ALG6: variants seen among roughly 807,000 people sequenced by gnomAD.
ALG6 encodes the protein dolichyl pyrophosphate Man9GlcNAc2 alpha-1,3-glucosyltransferase.
In ALG6, 46 loss-of-function variants were observed where a neutral mutation model predicts 66.6. The ratio of observed to expected loss-of-function variants is 0.69; its 90% confidence interval spans 0.55 to 0.88. ALG6 has a LOEUF of 0.88. Ranked by LOEUF, ALG6 falls within the 40% of genes least tolerant of loss-of-function variation. The pLI, the probability that ALG6 is intolerant of heterozygous loss-of-function variation, is 0.00. For synonymous variants in ALG6, 185 were observed against 203.7 expected, an observed-to-expected ratio of 0.91 and a Z score of 0.78; for missense variants, 505 against 586.8, an observed-to-expected ratio of 0.86 and a Z score of 1.44.
At chr1:63,375,475 G>A (rs891671379) in intron 2 of ALG6, among the ~76,000 whole-genome samples, 3 of 141,800 alleles carry the variant, frequency 2.1e-5, no homozygotes, top group African/African-American at 8.0e-5. Context: ...TGCCAGCCTG[G>A]TCTCAAACTC....
chr1:63,381,519 C>T (rs1342789208), intron 2 of ALG6, among the ~76,000 whole-genome samples: 5 of 152,108 alleles, frequency 3.3e-5, no homozygotes, highest in African/African-American at 1.2e-4. Context: ...TGGCGCATGC[C>T]TGTAGTCCCA....
chr1:63,394,590 G>A lies in ALG6; in HGVS notation c.83-1923G>A, dbSNP rs2064439. Among the ~76,000 whole-genome samples, 427 of 152,074 alleles carry A rather than the reference G, an allele frequency of 2.8e-3. 4 individuals carry two copies. Among genetic ancestry groups the A allele is most frequent in the African/African-American group, 9.4e-3 (390 of 41,500 alleles). On this transcript the variant is annotated intron_variant, in intron 2 of 14. Transcript: ENST00000263440. Reference sequence around the variant, plus strand: ...TTCACCATGTTGGCCAGATGGTCTCGATCTCTTGACCTCGTGATCCACCCA... The same window carrying A: ...TTCACCATGTTGGCCAGATGGTCTCAATCTCTTGACCTCGTGATCCACCCA...
chr1:63,422,313 CTATA>C (rs1380357638), intron 12 of ALG6, among the ~76,000 whole-genome samples: 3 of 39,056 alleles, frequency 7.7e-5, no homozygotes, highest in South Asian at 1.4e-3. Context: ...AAATATATAT[CTATA>C]TATGAATATA....
chr1:63,417,458 ATTTT>A (rs1459865564), intron 11 of ALG6, among the ~76,000 whole-genome samples: 1 of 152,054 alleles, frequency 6.6e-6, no homozygotes, highest in South Asian at 2.1e-4. Flanking sequence ...GATTTTTGTT[ATTTT>A]GTTTTTGTTA....
At chr1:63,394,810 G>A (rs1196313201) in intron 2 of ALG6, among the ~76,000 whole-genome samples, 1 of 151,998 alleles carries the variant, frequency 6.6e-6, no homozygotes, top group African/African-American at 2.4e-5. Context: ...TTACGTGAAT[G>A]GCCATTGCCT....
chr1:63,424,809 C>T (rs868288294), intron 12 of ALG6, among the ~76,000 whole-genome samples: 7 of 136,386 alleles, frequency 5.1e-5, no homozygotes, highest in East Asian at 4.4e-4. Context: ...GACAGAGCCT[C>T]GGTCTGTCAC....
intron 10 of ALG6, among the ~76,000 whole-genome samples, chr1:63,414,911 C>T (rs114173236): frequency 6.6e-6 from 1 of 152,262 alleles, no homozygotes; most frequent in African/African-American, 2.4e-5. Flanking sequence ...GACCCAGATG[C>T]TGTTAGGGAA....
At chr1:63,400,195 A>AC (rs2100408954) in intron 3 of ALG6, among the ~76,000 whole-genome samples, 1 of 22,094 alleles carries the variant, frequency 4.5e-5, no homozygotes, top group East Asian at 2.8e-3. Flanking sequence ...ACTCTGTCTC[A>AC]AAAAAAAAAA....
At chr1:63,427,573 G>T (rs986326172) in intron 12 of ALG6, among the ~76,000 whole-genome samples, 2 of 151,620 alleles carry the variant, frequency 1.3e-5, no homozygotes, top group African/African-American at 4.9e-5. Context: ...AAGAATACAG[G>T]GTATTATTAT....
chr1:63,377,405 C>A (rs1648168946), intron 2 of ALG6, among the ~76,000 whole-genome samples: 1 of 152,020 alleles, frequency 6.6e-6, no homozygotes, highest in East Asian at 1.9e-4. Flanking sequence ...TCCTTTTATT[C>A]TTTACTGTAT....
intron 3 of ALG6, among the ~76,000 whole-genome samples, chr1:63,397,102 G>C (rs1648847725): frequency 6.6e-6 from 1 of 151,810 alleles, no homozygotes; most frequent in Admixed American, 6.6e-5. Flanking sequence ...ATTCACCTTT[G>C]AATACCGTGC....
At chr1:63,407,804 ATAATAACAC>A (rs2100418154) in intron 7 of ALG6, among the ~76,000 whole-genome samples, 1 of 152,272 alleles carries the variant, frequency 6.6e-6, no homozygotes, top group South Asian at 2.1e-4. Context: ...TGTTTTAGTT[ATAATAACAC>A]TAATAGGTAT....
Position 63,400,217 on chromosome 1 carries a change from ATATACG to A in ALG6, c.168-2032_168-2027del, listed in dbSNP as rs1322009399. 6.3e-3 allele frequency among the ~76,000 whole-genome samples: 166 copies of A among 26,394 alleles called. 36 individuals carry two copies. Among genetic ancestry groups the A allele is most frequent in the African/African-American group, 0.036 (109 of 3,008 alleles). 17.3% of individuals were successfully genotyped at this position (26,394 alleles called of 152,430 possible). A position where few individuals can be genotyped will look rare whatever the true frequency, so the allele number is the denominator to read the frequency against. ...CTCAAAAAAAAAAAAATATATATATATATACGTATATATATATATATATATACGTAT... is the reference window on the plus strand; with the variant it reads ...CTCAAAAAAAAAAAAATATATATATATATATATATATATATATATACGTAT... On this transcript the variant is annotated intron_variant, in intron 3 of 14. Transcript: ENST00000263440.
At chr1:63,426,736 G>A (rs577250546) in intron 12 of ALG6, among the ~76,000 whole-genome samples, 1 of 152,014 alleles carries the variant, frequency 6.6e-6, no homozygotes, top group Admixed American at 6.6e-5. Context: ...TGGAGGTGGT[G>A]TCTTGCTATA....
intron 1 of ALG6, among the ~76,000 whole-genome samples, chr1:63,369,772 A>G (rs1647846564): frequency 6.6e-6 from 1 of 152,150 alleles, no homozygotes; most frequent in African/African-American, 2.4e-5. Context: ...AAATGGTCCA[A>G]CATTTTTCAA....
At chr1:63,392,770 C>T (rs552361765) in intron 2 of ALG6, among the ~76,000 whole-genome samples, 13 of 152,234 alleles carry the variant, frequency 8.5e-5, no homozygotes, top group South Asian at 2.1e-4. Flanking sequence ...TGGAAGGAAT[C>T]GTTTTTTGCC....
At chr1:63,427,183 T>G (rs1644619987) in intron 12 of ALG6, among the ~76,000 whole-genome samples, 1 of 151,084 alleles carries the variant, frequency 6.6e-6, no homozygotes. Flanking sequence ...TTTTTTTTTT[T>G]TTTGTATTTT....
Position 63,370,897 on chromosome 1 carries a change from G to T in ALG6, c.-81G>T. ...GAAGTGATAACATTTCTCTGAACAA[G>T]AAAAGAAGTGATTGACCACGTTTTA... On this transcript the variant is annotated 5_prime_UTR_variant, in exon 2 of 15. Transcript: ENST00000263440. 1 of 856,776 alleles carries T rather than the reference G, an allele frequency of 1.2e-6. No individual in the cohort carries two copies. The highest frequency in any genetic ancestry group is 1.3e-5 in the South Asian group (1 of 75,292). The allele number at this position is 856,776 out of a possible 1,614,324, so 53.1% of individuals were successfully genotyped here.
At chr1:63,373,810 T>C (rs1648020346) in intron 2 of ALG6, among the ~76,000 whole-genome samples, 4 of 151,674 alleles carry the variant, frequency 2.6e-5, no homozygotes. Context: ...TTAGTAAAGA[T>C]GAGGTCTCAC....
Sources: gnomAD v4.1 joint callset for allele counts (sites outside exome capture counted in the v4.1 genomes callset) on GRCh38, gnomAD v4.1.1 for gene constraint, MANE v1.5 for transcripts, NCBI Gene and HGNC (gene_info 2026-07-23, HGNC 2026-07-21) for gene names.